Variants in HPN observed in about 807,000 individuals in gnomAD.
The protein encoded by HPN is hepsin.
HPN carries 13 observed loss-of-function variants against 55.9 expected under a neutral mutation model. The ratio of observed to expected loss-of-function variants is 0.23; its 90% CI spans 0.15 to 0.37. HPN has a LOEUF of 0.37. HPN is among the 10% of genes least tolerant of loss of function. HPN has a pLI of 1.00. For missense variants in HPN, 451 were observed against 575.8 expected (o/e 0.78, Z 2.22); for synonymous variants, 225 against 240.3 (o/e 0.94, Z 0.59).
intron 2 of HPN, among the ~76,000 whole-genome samples, chr19:35,046,136 G>A (rs1017702218): frequency 2.0e-5 from 3 of 152,214 alleles, no homozygotes; most frequent in South Asian, 4.1e-4. Context: ...AGAACCCCTC[G>A]CAGGACAGGC....
rs572113826 is a variant in HPN at position 35,065,914 on chromosome 19, C to G, written c.1097C>G (p.Thr366Arg). 1.2e-6 allele frequency: 2 copies of G among 1,614,114 alleles called. No homozygotes were observed. The highest frequency in any genetic ancestry group is 1.7e-6 in the Non-Finnish European group (2 of 1,180,020). The change falls in exon 12 of 13, where the codon ACG (threonine) becomes AGG (arginine). Residue 366 changes from threonine to arginine, a missense_variant. Coordinates refer to ENST00000672452, the MANE Select transcript of HPN (RefSeq NM_001384133.1). ...PFVCEDSISRTPRWRLCGIVS... is the reference protein window; with the variant it reads ...PFVCEDSISRRPRWRLCGIVS... ...GTGTGTGAGGACAGCATCTCTCGGA[C>G]GCCACGTTGGCGGCTGTGTGGCATT...
At chr19:35,055,402 A>G (rs376656439) in intron 4 of HPN, among the ~76,000 whole-genome samples, 1 of 26,254 alleles carries the variant, frequency 3.8e-5, no homozygotes, top group Non-Finnish European at 1.1e-4. Context: ...GTCTCAAAAA[A>G]GAAAAAAAAA....
Position 35,059,815 on chromosome 19 carries a change from C to T in HPN, c.290+13C>T, listed in dbSNP as rs1485186651. The T allele has an allele frequency of 1.9e-6, 3 of 1,550,502 alleles. No homozygotes were observed. Among genetic ancestry groups the T allele is most frequent in the African/African-American group, 2.7e-5 (2 of 73,906 alleles). On this transcript the variant is annotated intron_variant, in intron 5 of 12. Coordinates refer to ENST00000672452, the MANE Select transcript of HPN (RefSeq NM_001384133.1). Reference sequence around the variant, plus strand: ...TGGGCTTCCTCAGGTACTGGGGGCCCTCGGAGGGGTGGGAGCCGGGAGGGG... The same window carrying T: ...TGGGCTTCCTCAGGTACTGGGGGCCTTCGGAGGGGTGGGAGCCGGGAGGGG...
intron 2 of HPN, among the ~76,000 whole-genome samples, chr19:35,043,966 G>A (rs1568354625): frequency 6.6e-6 from 1 of 152,230 alleles, no homozygotes; most frequent in Non-Finnish European, 1.5e-5. Flanking sequence ...CTGCTGTCAG[G>A]GCTAGGGGTG....
intron 1 of HPN, 158 bp downstream of exon 1, chr19:35,042,030 C>G: frequency 8.6e-7 from 1 of 1,157,996 alleles, no homozygotes; most frequent in Non-Finnish European, 1.1e-6. Context: ...GTGTTCTGTC[C>G]TGCTCTTCCT....
At chr19:35,048,028 A>AGAAAGAAAG (rs150953006) in intron 2 of HPN, among the ~76,000 whole-genome samples, 44 of 87,454 alleles carry the variant, frequency 5.0e-4, no homozygotes, top group Non-Finnish European at 6.8e-4. Context: ...GAGAGAGAGA[A>AGAAAGAAAG]AAAGAAAGAA....
chr19:35,049,378 A>G lies in HPN; in HGVS notation c.105A>G (p.Ala35=). The G allele has an allele frequency of 3.7e-6, 6 of 1,605,164 alleles. No individual in the cohort carries two copies. Among genetic ancestry groups the G allele is most frequent in the Non-Finnish European group, 5.1e-6 (6 of 1,174,630 alleles). Residue 35 remains alanine (A), a synonymous_variant, in exon 3 of 13, where the codon GCA becomes GCG. Coordinates refer to ENST00000672452, the MANE Select transcript of HPN (RefSeq NM_001384133.1). The part of the protein sequence containing the change: ...TLLLLTAIGA[A]SWAIVAVLLR... ...TACTTCTGACAGCCATCGGGGCGGCATCCTGGGCCATTGGTGAGAGCGGTT... is the reference window on the plus strand; with the variant it reads ...TACTTCTGACAGCCATCGGGGCGGCGTCCTGGGCCATTGGTGAGAGCGGTT...
chr19:35,056,554 C>A (rs1315500558), intron 4 of HPN, among the ~76,000 whole-genome samples: 2 of 152,170 alleles, frequency 1.3e-5, no homozygotes, highest in South Asian at 2.1e-4. Flanking sequence ...AAATTGCCCC[C>A]CAACCAGCCC....
chr19:35,049,607 C>A, intron 4 of HPN, 91 bp downstream of exon 4: 2 of 1,129,228 alleles, frequency 1.8e-6, no homozygotes, highest in Non-Finnish European at 2.6e-6. Context: ...TGAATAAATG[C>A]ACAAATGCAT....
At chr19:35,042,197 C>G (rs1017315476) in intron 1 of HPN, 33 of 1,252,146 alleles carry the variant, frequency 2.6e-5, no homozygotes, top group Non-Finnish European at 3.0e-5. Context: ...TCCCTCAAAC[C>G]GGGATCCTCA....
intron 4 of HPN, among the ~76,000 whole-genome samples, chr19:35,056,219 G>A (rs965887191): frequency 2.4e-4 from 37 of 151,656 alleles, no homozygotes; most frequent in African/African-American, 4.6e-4. Flanking sequence ...CTCCATGCCG[G>A]CACTCCCCTC....
At chr19:35,050,651 C>A in intron 4 of HPN, 1 of 605,826 alleles carries the variant, frequency 1.7e-6, no homozygotes, top group South Asian at 1.9e-5. Context: ...TGCAGGACAG[C>A]AGGAAAAAAG....
At chr19:35,042,845 T>G (rs921394123) in intron 2 of HPN, among the ~76,000 whole-genome samples, 33 of 152,146 alleles carry the variant, frequency 2.2e-4, no homozygotes, top group African/African-American at 6.5e-4. Context: ...CTGTCATGGT[T>G]AAGGACACAG....
chr19:35,059,523 G>A (rs1428041164), intron 4 of HPN, 150 bp from the exon 5 acceptor site: 4 of 956,862 alleles, frequency 4.2e-6, no homozygotes, highest in African/African-American at 1.6e-5. Flanking sequence ...AGATGCAATC[G>A]CAGATGTGGG....
At chr19:35,041,697 C>CCCCCCCCCCCCCCCCCCCCCCCA, upstream of HPN, 1 of 1,127,592 alleles carries the variant, frequency 8.9e-7, no homozygotes. Flanking sequence ...TTCACCCGCC[C>CCCCCCCCCCCCCCCCCCCCCCCA]CTCGCCCAGC....
intron 9 of HPN, among the ~76,000 whole-genome samples, chr19:35,064,848 G>T (rs2064584272): frequency 6.6e-6 from 1 of 151,818 alleles, no homozygotes; most frequent in South Asian, 2.1e-4. Flanking sequence ...TTGAGACAGA[G>T]TCTTGCTCTG....
chr19:35,065,729 A>G, intron 11 of HPN, 48 bp downstream of exon 11: 1 of 1,610,212 alleles, frequency 6.2e-7, no homozygotes. Flanking sequence ...CACCCCAGGG[A>G]TGGAGATGCA....
At chr19:35,060,263 C>T (rs751579018) in intron 7 of HPN, 84 bp from the exon 8 acceptor site, 25 of 1,606,146 alleles carry the variant, frequency 1.6e-5, no homozygotes, top group Middle Eastern at 3.3e-4. Context: ...ACTTTCAGAC[C>T]CCCTAGGGCA....
chr19:35,042,420 C>G, intron 1 of HPN, 33 bp from the exon 2 acceptor site: 1 of 1,539,688 alleles, frequency 6.5e-7, no homozygotes, highest in Non-Finnish European at 8.8e-7. Flanking sequence ...CTGGGCTCCC[C>G]CAGGCCCTGC....
Sources: allele counts gnomAD v4.1 joint callset (sites outside exome capture counted in the v4.1 genomes callset), GRCh38; gene constraint gnomAD v4.1.1; transcripts MANE v1.5; gene names NCBI Gene and HGNC (gene_info 2026-07-23, HGNC 2026-07-21).